The following PRKAG2 variants were observed in gnomAD, a reference collection of about 807,000 sequenced individuals.
The protein encoded by PRKAG2 is protein kinase AMP-activated non-catalytic subunit gamma 2.
In PRKAG2, 26 loss-of-function variants were observed where a neutral mutation model predicts 69.6. The observed-to-expected ratio is 0.37, with a 90% CI of 0.27 to 0.52. PRKAG2 has a LOEUF of 0.52. PRKAG2 is among the 20% of genes least tolerant of loss of function. PRKAG2 has a pLI of 0.90. For synonymous variants in PRKAG2, 293 were observed against 285.0 expected, an observed-to-expected ratio of 1.03 and a Z score of -0.28; for missense variants, 557 against 740.0, an observed-to-expected ratio of 0.75 and a Z score of 2.87.
intron 6 of PRKAG2, among the ~76,000 whole-genome samples, chr7:151,577,219 T>C (rs1325615296): frequency 6.6e-6 from 1 of 152,182 alleles, no homozygotes; most frequent in Non-Finnish European, 1.5e-5. Flanking sequence ...AAAAAAGGTA[T>C]GAAAGATACA....
chr7:151,826,268 C>A (rs528721751), intron 1 of PRKAG2, among the ~76,000 whole-genome samples: 1 of 152,138 alleles, frequency 6.6e-6, no homozygotes, highest in African/African-American at 2.4e-5. Flanking sequence ...GCAACTTCCA[C>A]CTCCTAGGTT....
intron 1 of PRKAG2, chr7:151,810,351 G>T (rs2078352810): frequency 6.6e-6 from 1 of 152,266 alleles, no homozygotes; most frequent in Non-Finnish European, 1.5e-5. Flanking sequence ...TCCGAGGCTT[G>T]GTGCTGTTTC....
chr7:151,824,731 C>T (rs570085022), intron 1 of PRKAG2, among the ~76,000 whole-genome samples: 6 of 152,296 alleles, frequency 3.9e-5, no homozygotes, highest in Admixed American at 2.0e-4. Flanking sequence ...CCCCAGCTGT[C>T]GGTGATGCAT....
At position 151,862,285 on chromosome 7, in the gene PRKAG2, A is replaced by C. The variant is rs180883583; in HGVS notation, c.114+14222T>G. On this transcript the variant is annotated intron_variant, in intron 1 of 15. Coordinates refer to ENST00000287878, the MANE Select transcript of PRKAG2 (RefSeq NM_016203.4). Reference sequence around the variant, plus strand: ...AACAAATAACACAGTAATGTGCCTAAAATCTGCCCCTTTTTTTTCTGGCCA... The same window carrying C: ...AACAAATAACACAGTAATGTGCCTACAATCTGCCCCTTTTTTTTCTGGCCA... Among the ~76,000 whole-genome samples the C allele has an allele frequency of 7.9e-4, 121 of 152,346 alleles. 3 individuals carry two copies. Among genetic ancestry groups the C allele is most frequent in the Admixed American group, 7.5e-3 (115 of 15,300 alleles).
chr7:151,794,102 C>T (rs1010969399), intron 1 of PRKAG2, among the ~76,000 whole-genome samples: 12 of 152,178 alleles, frequency 7.9e-5, no homozygotes, highest in African/African-American at 2.9e-4. Context: ...TTCCCACAAC[C>T]GCCTCGGGGC....
chr7:151,781,199 G>A lies in PRKAG2; in HGVS notation c.419C>T (p.Pro140Leu), dbSNP rs2076650486. 2 of 1,614,144 alleles carry A rather than the reference G, an allele frequency of 1.2e-6. No homozygotes were observed. Among genetic ancestry groups the A allele is most frequent in the Non-Finnish European group, 1.7e-6 (2 of 1,180,052 alleles). ...CCTGATGCCCCCGGGCGAGGTAGCA[G>A]GGTTGGAGTTGGGGGAAGACTCTTT... ...SSKESSPNSN[P>L]ATSPGGIRFF... The change falls in exon 3 of 16, where the codon CCT becomes CTT. Residue 140 changes from proline to leucine, a missense_variant. Physicochemically the swap from Pro to Leu is moderately conservative, Grantham distance 98. Transcript: ENST00000287878. The surrounding 1 kb of genome is among the most constrained non-coding windows in gnomAD (Gnocchi z 6.1).
chr7:151,870,762 G>A (rs142761836), intron 1 of PRKAG2, among the ~76,000 whole-genome samples: 4 of 152,352 alleles, frequency 2.6e-5, no homozygotes, highest in East Asian at 1.9e-4. Flanking sequence ...CGGAGGGTGC[G>A]TGGCCTTCTC....
chr7:151,804,033 T>G (rs887275111), intron 1 of PRKAG2, among the ~76,000 whole-genome samples: 2 of 151,882 alleles, frequency 1.3e-5, no homozygotes, highest in Non-Finnish European at 2.9e-5. Flanking sequence ...AGCCATGCCA[T>G]GTCCCCAGAG....
chr7:151,757,142 G>C (rs1012214784), intron 3 of PRKAG2, among the ~76,000 whole-genome samples: 1 of 152,134 alleles, frequency 6.6e-6, no homozygotes, highest in African/African-American at 2.4e-5. Flanking sequence ...CCTCAGCCCC[G>C]GGAGCCCTTG....
chr7:151,587,023 T>C (rs1811839317), intron 6 of PRKAG2, among the ~76,000 whole-genome samples: 2 of 152,016 alleles, frequency 1.3e-5, no homozygotes, highest in Admixed American at 1.3e-4. Context: ...TAGCTAGGCG[T>C]GTTGTTGCCC....
At chr7:151,693,202 G>A (rs894902894) in intron 3 of PRKAG2, among the ~76,000 whole-genome samples, 1 of 152,198 alleles carries the variant, frequency 6.6e-6, no homozygotes, top group African/African-American at 2.4e-5. Flanking sequence ...GCGGCTCTTG[G>A]CACAGGTCCG....
At chr7:151,849,656 A>T (rs186464021) in intron 1 of PRKAG2, among the ~76,000 whole-genome samples, 12 of 151,980 alleles carry the variant, frequency 7.9e-5, no homozygotes, top group African/African-American at 2.7e-4. Context: ...GCCTCTTCCT[A>T]GTTCTGAGGG....
intron 3 of PRKAG2, among the ~76,000 whole-genome samples, chr7:151,755,623 ATACT>A (rs527881407): frequency 1.1e-3 from 167 of 152,340 alleles, no homozygotes; most frequent in African/African-American, 3.8e-3. Flanking sequence ...GCTTTTATAA[ATACT>A]TATTGGAACA....
intron 1 of PRKAG2, among the ~76,000 whole-genome samples, chr7:151,871,805 G>T (rs2080225501): frequency 2.0e-5 from 3 of 152,222 alleles, no homozygotes; most frequent in Admixed American, 2.0e-4. Context: ...TGCAACAATT[G>T]CCTCCAACAC....
intron 3 of PRKAG2, among the ~76,000 whole-genome samples, chr7:151,696,784 T>C (rs1298328958): frequency 6.6e-6 from 1 of 152,022 alleles, no homozygotes; most frequent in Non-Finnish European, 1.5e-5. Flanking sequence ...AGGAGAGGCC[T>C]GAAAAGGGGC....
intron 3 of PRKAG2, among the ~76,000 whole-genome samples, chr7:151,723,981 C>A (rs946695973): frequency 6.6e-6 from 1 of 152,156 alleles, no homozygotes; most frequent in Non-Finnish European, 1.5e-5. Context: ...ATCTACTGTT[C>A]TGTGTAAGAG....
intron 3 of PRKAG2, among the ~76,000 whole-genome samples, chr7:151,724,863 C>G (rs1452673060): frequency 6.6e-6 from 1 of 152,134 alleles, no homozygotes; most frequent in African/African-American, 2.4e-5. Flanking sequence ...GCCTAGATTT[C>G]TACCTTCAGA....
At chr7:151,762,705 G>A (rs1387632701) in intron 3 of PRKAG2, among the ~76,000 whole-genome samples, 1 of 152,216 alleles carries the variant, frequency 6.6e-6, no homozygotes, top group African/African-American at 2.4e-5. Context: ...CTGCCTTGCA[G>A]GATTGCCATG....
At chr7:151,717,992 G>T (rs568830266) in intron 3 of PRKAG2, among the ~76,000 whole-genome samples, 5 of 152,150 alleles carry the variant, frequency 3.3e-5, no homozygotes, top group South Asian at 2.1e-4. Flanking sequence ...CCTTGGGAGT[G>T]GGGGGAAGGG....
Sources: allele counts gnomAD v4.1 joint callset (sites outside exome capture counted in the v4.1 genomes callset), GRCh38; gene constraint gnomAD v4.1.1; non-coding constraint Gnocchi (gnomAD v3.1); transcripts MANE v1.5; gene names NCBI Gene and HGNC (gene_info 2026-07-23, HGNC 2026-07-21).